SLCO2A1: variants seen among roughly 807,000 people sequenced by gnomAD.
The protein encoded by SLCO2A1 is solute carrier organic anion transporter family member 2A1.
In SLCO2A1, 60 loss-of-function variants were observed where a neutral mutation model predicts 71.7. That is an observed-to-expected ratio of 0.84 (90% CI 0.68 to 1.04). SLCO2A1 has a LOEUF of 1.04. SLCO2A1 is among the 50% of genes least tolerant of loss of function. The probability of loss-of-function intolerance (pLI) is 0.00; values close to 1 mark genes in which losing one functional copy is unlikely to be tolerated. For missense variants in SLCO2A1, 745 were observed against 813.4 expected (o/e 0.92, Z 1.02); for synonymous variants, 308 against 326.7 (o/e 0.94, Z 0.62).
intron 12 of SLCO2A1, among the ~76,000 whole-genome samples, chr3:133,938,113 T>C (rs1345524503): frequency 6.6e-6 from 1 of 152,228 alleles, no homozygotes; most frequent in African/African-American, 2.4e-5. Context: ...AAAGTTTTGT[T>C]CCTACAGTGA....
intron 3 of SLCO2A1, among the ~76,000 whole-genome samples, chr3:133,972,968 A>C (rs1934361640): frequency 6.6e-6 from 1 of 152,230 alleles, no homozygotes; most frequent in South Asian, 2.1e-4. Flanking sequence ...ATAAATAACC[A>C]CTCACTTATT....
At chr3:133,947,165 G>T in intron 9 of SLCO2A1, 91 bp downstream of exon 9, 8 of 1,087,652 alleles carry the variant, frequency 7.4e-6, no homozygotes, top group East Asian at 2.4e-5. Flanking sequence ...GCAAAGAATA[G>T]AGTTAAGGAA....
At chr3:133,955,632 G>A (rs1933881813) in intron 3 of SLCO2A1, among the ~76,000 whole-genome samples, 1 of 152,148 alleles carries the variant, frequency 6.6e-6, no homozygotes, top group African/African-American at 2.4e-5. Context: ...CAGCCCTGGG[G>A]CTCTGGGCCC....
intron 1 of SLCO2A1, among the ~76,000 whole-genome samples, chr3:134,029,464 A>G (rs564334927): frequency 1.2e-4 from 17 of 142,766 alleles, no homozygotes; most frequent in African/African-American, 4.1e-4. Flanking sequence ...AGTCCGATGA[A>G]GGCGTGTGAA....
intron 1 of SLCO2A1, among the ~76,000 whole-genome samples, chr3:133,980,996 T>A (rs1180902012): frequency 6.6e-6 from 1 of 152,252 alleles, no homozygotes; most frequent in East Asian, 1.9e-4. Context: ...GAGGCTCCAC[T>A]GGGCTTTCTT....
intron 1 of SLCO2A1, among the ~76,000 whole-genome samples, chr3:134,016,948 G>T (rs1559959600): frequency 3.3e-5 from 5 of 152,200 alleles, no homozygotes; most frequent in Admixed American, 2.6e-4. Context: ...GTCACAGATT[G>T]TATGATTCCA....
chr3:133,958,149 G>A (rs754160284), intron 3 of SLCO2A1, among the ~76,000 whole-genome samples: 16 of 152,182 alleles, frequency 1.1e-4, no homozygotes, highest in African/African-American at 3.1e-4. Flanking sequence ...TGGGTGTGGC[G>A]CTGGCTGACT....
intron 6 of SLCO2A1, among the ~76,000 whole-genome samples, chr3:133,949,854 G>T (rs938044799): frequency 6.6e-6 from 1 of 152,002 alleles, no homozygotes; most frequent in African/African-American, 2.4e-5. Context: ...TAGAGACAGG[G>T]TCTCACTCTG....
At chr3:133,994,154 G>A (rs1934910393) in intron 1 of SLCO2A1, among the ~76,000 whole-genome samples, 1 of 152,204 alleles carries the variant, frequency 6.6e-6, no homozygotes, top group South Asian at 2.1e-4. Flanking sequence ...TGGTCACTCT[G>A]TATTTTCTGT....
intron 1 of SLCO2A1, among the ~76,000 whole-genome samples, chr3:133,992,890 T>C (rs1934884395): frequency 6.6e-6 from 1 of 152,056 alleles, no homozygotes; most frequent in African/African-American, 2.4e-5. Context: ...TTATTACTCT[T>C]GGACGCCAGA....
chr3:133,955,096 C>A lies in SLCO2A1; in HGVS notation c.495G>T (p.Glu165Asp), dbSNP rs142215026. ...CCATCAGGCCCCACATGCTGCTGGT[C>A]TCCTTCTGGGGGTTCTGGGTGGTGC... ...CHSTTQNPQK[E>D]TSSMWGLMVV... Residue 165 changes from glutamate (E) to aspartate (D), a missense_variant, in exon 4 of 14, where the codon GAG (glutamate) becomes GAT (aspartate). Transcript: ENST00000310926. 817 of 1,614,186 alleles carry A rather than the reference C, an allele frequency of 5.1e-4. 6 individuals carry two copies. In the African/African-American group the frequency reaches 0.01, roughly 20 times the overall value.
chr3:134,000,597 A>C (rs1935087150), intron 1 of SLCO2A1, among the ~76,000 whole-genome samples: 1 of 152,142 alleles, frequency 6.6e-6, no homozygotes, highest in African/African-American at 2.4e-5. Context: ...AACTCTAGGG[A>C]AACTAACTCT....
intron 1 of SLCO2A1, among the ~76,000 whole-genome samples, chr3:133,992,747 T>C (rs1286219328): frequency 6.6e-6 from 1 of 152,144 alleles, no homozygotes; most frequent in Non-Finnish European, 1.5e-5. Flanking sequence ...TTCAGAGAGG[T>C]GTCTGTCCAG....
chr3:133,959,857 A>G (rs920752395), intron 3 of SLCO2A1, among the ~76,000 whole-genome samples: 3 of 152,118 alleles, frequency 2.0e-5, no homozygotes, highest in Admixed American at 1.3e-4. Flanking sequence ...GCGGTGGCTC[A>G]TACCTGTAAT....
At chr3:133,972,645 A>G (rs774686226) in intron 3 of SLCO2A1, among the ~76,000 whole-genome samples, 2 of 152,256 alleles carry the variant, frequency 1.3e-5, no homozygotes, top group Admixed American at 6.5e-5. Flanking sequence ...GAGAAAAAAC[A>G]GGATACCTAA....
At position 133,942,667 on chromosome 3, in the gene SLCO2A1, G is replaced by C; in HGVS notation, c.1563C>G (p.Leu521=). Residue 521 remains leucine (L), a synonymous_variant, in exon 11 of 14, where the codon CTC becomes CTG. Transcript: ENST00000310926. The part of the protein sequence containing the change: ...CAHFLLPAIF[L]ISFVSLIACI... ...AGGCTATCAGGGACACGAAGGAGATGAGGAAGATGGCCGGGAGCAGGAAGT... is the reference window on the plus strand; with the variant it reads ...AGGCTATCAGGGACACGAAGGAGATCAGGAAGATGGCCGGGAGCAGGAAGT... 1 of 1,614,002 alleles carries C rather than the reference G, an allele frequency of 6.2e-7. No homozygotes were observed.
intron 2 of SLCO2A1, 63 bp downstream of exon 2, chr3:133,979,418 C>T (rs538276782): frequency 6.2e-7 from 1 of 1,604,110 alleles, no homozygotes; most frequent in Non-Finnish European, 8.5e-7. Context: ...CTCTGCTTCT[C>T]CTGGATCTTG....
chr3:134,022,013 T>C (rs12485919), intron 1 of SLCO2A1, among the ~76,000 whole-genome samples: 76,206 of 147,792 alleles, frequency 0.52, 21,169 homozygotes, highest in South Asian at 0.67. Flanking sequence ...AAAAAACTTT[T>C]AGAGGAAACC....
At chr3:133,973,560 C>G in intron 3 of SLCO2A1, 103 bp downstream of exon 3, 1 of 1,227,222 alleles carries the variant, frequency 8.1e-7, no homozygotes, top group African/African-American at 1.5e-5. Flanking sequence ...TTCATATGCC[C>G]TCTTCCTGGA....
Sources: gnomAD v4.1 joint callset for allele counts (sites outside exome capture counted in the v4.1 genomes callset) on GRCh38, gnomAD v4.1.1 for gene constraint, MANE v1.5 for transcripts, NCBI Gene and HGNC (gene_info 2026-07-23, HGNC 2026-07-21) for gene names.